Variants in LTBP1 observed in about 807,000 individuals in gnomAD.
LTBP1 encodes the protein latent transforming growth factor beta binding protein 1, also known as latent-transforming growth factor beta-binding protein 1.
LTBP1 carries 129 observed loss-of-function variants against 207.6 expected under a neutral mutation model. The observed-to-expected ratio is 0.62, with a 90% CI of 0.54 to 0.72. LTBP1 has a LOEUF of 0.72. Among genes scored for constraint, LTBP1 ranks in the 30% least tolerant of loss-of-function variants. The probability of loss-of-function intolerance (pLI) is 0.00; values close to 1 mark genes in which losing one functional copy is unlikely to be tolerated. For missense variants in LTBP1, 2,281 were observed against 2,217.2 expected (o/e 1.03, Z -0.58); for synonymous variants, 963 against 833.7 (o/e 1.16, Z -2.67).
intron 7 of LTBP1, among the ~76,000 whole-genome samples, chr2:33,215,818 C>T (rs1034947069): frequency 1.3e-5 from 2 of 150,268 alleles, no homozygotes; most frequent in South Asian, 2.1e-4. Flanking sequence ...TGGGTTCAAG[C>T]GATCCCCCTG....
rs760890177 is a variant in LTBP1 at position 33,315,180 on chromosome 2, C to G, written c.3641C>G (p.Pro1214Arg). 2 of 1,611,768 alleles carry G rather than the reference C, an allele frequency of 1.2e-6. No homozygotes were observed. Among genetic ancestry groups the G allele is most frequent in the Non-Finnish European group, 1.7e-6 (2 of 1,179,372 alleles). Residue 1214 changes from proline (P) to arginine (R), a missense_variant, in exon 24 of 34, where the codon CCG (proline) becomes CGG (arginine). Transcript: ENST00000404816. Reference protein sequence around the residue: ...NECEHPGLCGPQGECLNTEGS... With the variant: ...NECEHPGLCGRQGECLNTEGS... ...TGTGAACATCCAGGGCTCTGTGGTC[C>G]GCAAGGGGAGTGCCTAAACACAGAG...
At chr2:33,336,310 A>AT (rs1372713106) in intron 24 of LTBP1, among the ~76,000 whole-genome samples, 1 of 152,170 alleles carries the variant, frequency 6.6e-6, no homozygotes, top group African/African-American at 2.4e-5. Context: ...TTTAACTATC[A>AT]TCATGGTGAC....
chr2:33,022,835 C>G (rs543802842), intron 3 of LTBP1, among the ~76,000 whole-genome samples: 42 of 152,274 alleles, frequency 2.8e-4, no homozygotes, highest in Non-Finnish European at 5.4e-4. Flanking sequence ...TCTAATAAAA[C>G]TTTATGGACA....
intron 32 of LTBP1, among the ~76,000 whole-genome samples, chr2:33,390,653 A>G (rs969542476): frequency 2.0e-5 from 3 of 151,532 alleles, no homozygotes; most frequent in Non-Finnish European, 4.4e-5. Flanking sequence ...ATGTGCAGCT[A>G]ATTTTTGTAT....
chr2:33,192,005 C>T (rs775026058), intron 7 of LTBP1, among the ~76,000 whole-genome samples: 1 of 152,056 alleles, frequency 6.6e-6, no homozygotes, highest in Non-Finnish European at 1.5e-5. Context: ...GGTAGAATTT[C>T]AGAACTGTTT....
At chr2:32,992,327 T>C (rs1233200560) in intron 2 of LTBP1, among the ~76,000 whole-genome samples, 1 of 152,096 alleles carries the variant, frequency 6.6e-6, no homozygotes, top group Non-Finnish European at 1.5e-5. Flanking sequence ...AGCTTCAGCA[T>C]CAGGAGGGAA....
chr2:33,281,184 G>T (rs1323088197), intron 19 of LTBP1, among the ~76,000 whole-genome samples: 1 of 152,282 alleles, frequency 6.6e-6, no homozygotes, highest in East Asian at 1.9e-4. Flanking sequence ...TTACTGTCTG[G>T]TGGGGGAGAC....
intron 31 of LTBP1, among the ~76,000 whole-genome samples, chr2:33,379,483 C>T (rs1388476843): frequency 2.0e-5 from 3 of 152,096 alleles, no homozygotes; most frequent in Admixed American, 6.5e-5. Flanking sequence ...TGCTGGGATT[C>T]ATAGGCATGA....
intron 24 of LTBP1, among the ~76,000 whole-genome samples, chr2:33,317,343 T>C (rs1372076936): frequency 6.6e-6 from 1 of 152,272 alleles, no homozygotes; most frequent in Non-Finnish European, 1.5e-5. Flanking sequence ...AATATTATGT[T>C]GGTATTATAC....
chr2:33,212,057 T>C (rs560216028), intron 7 of LTBP1, among the ~76,000 whole-genome samples: 1 of 152,294 alleles, frequency 6.6e-6, no homozygotes, highest in South Asian at 2.1e-4. Flanking sequence ...AAATTAAAGG[T>C]TTTTTTCACT....
At chr2:33,240,713 C>T (rs895082645) in intron 9 of LTBP1, among the ~76,000 whole-genome samples, 9 of 143,678 alleles carry the variant, frequency 6.3e-5, no homozygotes, top group South Asian at 2.2e-4. Context: ...TGCAGTGGCG[C>T]GATCTCGGCT....
At chr2:33,280,237 G>A in intron 19 of LTBP1, 79 bp downstream of exon 19, 1 of 1,343,870 alleles carries the variant, frequency 7.4e-7, no homozygotes, top group Non-Finnish European at 9.9e-7. Flanking sequence ...TAATGCCAAT[G>A]GAGCCCTCTT....
chr2:33,103,129 T>C (rs1265128981), intron 3 of LTBP1, among the ~76,000 whole-genome samples: 4 of 152,150 alleles, frequency 2.6e-5, no homozygotes, highest in African/African-American at 4.8e-5. Context: ...GTGCACTGTC[T>C]GTATGCACAA....
chr2:33,340,212 C>G (rs1442738460), intron 24 of LTBP1, among the ~76,000 whole-genome samples: 1 of 145,764 alleles, frequency 6.9e-6, no homozygotes, highest in East Asian at 2.0e-4. Flanking sequence ...GAGCAGAGAT[C>G]GCGCCCCTGC....
At chr2:33,062,575 C>T (rs2077317595) in intron 3 of LTBP1, among the ~76,000 whole-genome samples, 1 of 152,034 alleles carries the variant, frequency 6.6e-6, no homozygotes, top group Non-Finnish European at 1.5e-5. Flanking sequence ...CGTTGGAATG[C>T]TTTGGCACCT....
At chr2:33,115,135 C>A (rs564109720) in intron 4 of LTBP1, among the ~76,000 whole-genome samples, 1 of 151,868 alleles carries the variant, frequency 6.6e-6, no homozygotes, top group African/African-American at 2.4e-5. Flanking sequence ...TATACACACA[C>A]ACACACAATG....
At chr2:33,040,409 A>C (rs1267363718) in intron 3 of LTBP1, among the ~76,000 whole-genome samples, 2 of 152,246 alleles carry the variant, frequency 1.3e-5, no homozygotes, top group African/African-American at 4.8e-5. Context: ...ATATGTGTAC[A>C]TGCATAGAAT....
At chr2:33,308,774 G>A (rs6749497) in intron 22 of LTBP1, among the ~76,000 whole-genome samples, 2,976 of 152,142 alleles carry the variant, frequency 0.02, 45 homozygotes, top group Middle Eastern at 0.044. Context: ...TTCTCTTGGG[G>A]ACAAAGACCA....
rs114037825 is a variant in LTBP1 at position 33,315,781 on chromosome 2, A to G, written c.3730+512A>G. Among the ~76,000 whole-genome samples, 840 of 152,232 alleles carry G rather than the reference A, an allele frequency of 5.5e-3. 10 individuals are homozygous for G. The highest frequency in any genetic ancestry group is 0.019 in the African/African-American group (806 of 41,544). ...GTGAAACCTCATCTCTACTGAATAT[A>G]CAAAAATTAGCCAGGTGTGGTGGTG... On this transcript the variant is annotated intron_variant, in intron 24 of 33. Transcript: ENST00000404816.
Sources: allele counts gnomAD v4.1 joint callset (sites outside exome capture counted in the v4.1 genomes callset), GRCh38; gene constraint gnomAD v4.1.1; transcripts MANE v1.5; gene names NCBI Gene and HGNC (gene_info 2026-07-23, HGNC 2026-07-21).